The following GNPTAB variants were observed in gnomAD, a reference collection of about 807,000 sequenced individuals.
The protein encoded by GNPTAB is N-acetylglucosamine-1-phosphate transferase subunits alpha and beta, also known as N-acetylglucosamine-1-phosphotransferase subunits alpha/beta.
Under a neutral mutation model 136.6 loss-of-function variants are expected in GNPTAB, and 92 were observed. The ratio of observed to expected loss-of-function variants is 0.67; its 90% CI spans 0.57 to 0.80. GNPTAB has a LOEUF of 0.80. Ranked by LOEUF, GNPTAB falls within the 30% of genes least tolerant of loss-of-function variation. The pLI is 0.00. For synonymous variants in GNPTAB, 512 were observed against 535.1 expected (o/e 0.96, Z 0.60); for missense variants, 1,343 against 1,501.8 (o/e 0.89, Z 1.75).
intron 18 of GNPTAB, among the ~76,000 whole-genome samples, chr12:101,754,088 G>A (rs182363856): frequency 6.6e-6 from 1 of 151,786 alleles, no homozygotes; most frequent in Admixed American, 6.6e-5. Flanking sequence ...GGGAGAGGCT[G>A]CAGTGAGGAA....
chr12:101,758,164 G>C (rs1193956630), intron 16 of GNPTAB, among the ~76,000 whole-genome samples: 2 of 151,264 alleles, frequency 1.3e-5, no homozygotes, highest in African/African-American at 4.9e-5. Context: ...TCAGTTTCCC[G>C]AGTAGCTGGG....
At chr12:101,812,303 C>G (rs1334159360) in intron 1 of GNPTAB, among the ~76,000 whole-genome samples, 2 of 152,078 alleles carry the variant, frequency 1.3e-5, no homozygotes, top group Non-Finnish European at 2.9e-5. Context: ...CTCACTAACA[C>G]GAGAAGAGCA....
intron 2 of GNPTAB, among the ~76,000 whole-genome samples, chr12:101,795,064 G>C (rs908218892): frequency 4.6e-5 from 7 of 152,162 alleles, no homozygotes; most frequent in Admixed American, 3.3e-4. Context: ...AATCAATTTA[G>C]AACTTTCCTT....
At chr12:101,761,100 A>G in intron 15 of GNPTAB, 27 bp downstream of exon 15, 1 of 1,529,408 alleles carries the variant, frequency 6.5e-7, no homozygotes, top group Non-Finnish European at 9.1e-7. Context: ...AAAACATCAA[A>G]AAGTTTAGAA....
At chr12:101,777,139 T>C (rs888353374) in intron 7 of GNPTAB, among the ~76,000 whole-genome samples, 7 of 152,256 alleles carry the variant, frequency 4.6e-5, no homozygotes, top group African/African-American at 1.7e-4. Context: ...CCTGAATAGC[T>C]TGTAAGTCAC....
chr12:101,802,199 T>TAAAAAA (rs112485347), intron 1 of GNPTAB, among the ~76,000 whole-genome samples: 3 of 108,186 alleles, frequency 2.8e-5, no homozygotes, highest in African/African-American at 3.5e-5. Flanking sequence ...CCCTGTCTCT[T>TAAAAAA]AAAAAAAAAA....
At chr12:101,813,956 G>A (rs1870372360) in intron 1 of GNPTAB, among the ~76,000 whole-genome samples, 1 of 152,128 alleles carries the variant, frequency 6.6e-6, no homozygotes, top group African/African-American at 2.4e-5. Flanking sequence ...GCATGCACCT[G>A]TAGTCCCAGC....
chr12:101,755,978 C>T lies in GNPTAB; in HGVS notation c.3434+1234G>A, dbSNP rs10492083. ...ACTGCAAATTCTCACATTATTACTA[C>T]ACATGACGGAGAGAACTCATCAAGA... On this transcript the variant is annotated intron_variant, in intron 18 of 20. Coordinates refer to ENST00000299314, the MANE Select transcript of GNPTAB (RefSeq NM_024312.5). 0.026 allele frequency among the ~76,000 whole-genome samples: 3,919 copies of T among 152,280 alleles called. 343 individuals carry two copies. In the East Asian group the frequency reaches 0.31, roughly 12 times the overall value.
In GNPTAB at chr12:101,757,561, G is replaced by T; in HGVS notation, c.3335+11C>A. 7.7e-7 allele frequency: 1 copy of T among 1,293,094 alleles called. No individual in the cohort carries two copies. The highest frequency in any genetic ancestry group is 1.1e-6 in the Non-Finnish European group (1 of 887,992). 80.1% of individuals were successfully genotyped at this position (1,293,094 alleles called of 1,614,324 possible). A position where few individuals can be genotyped will look rare whatever the true frequency, so the allele number is the denominator to read the frequency against. ...TATACTAAACAAAGGGAGTATGCGT[G>T]TACTACTTACCTATATTTGTTTTTG... On this transcript the variant is annotated intron_variant, in intron 17 of 20. Coordinates refer to ENST00000299314, the MANE Select transcript of GNPTAB (RefSeq NM_024312.5).
rs1953061070 is a variant in GNPTAB at position 101,764,820 on chromosome 12, A to G, written c.2097T>C (p.Asn699=). 1 of 1,614,140 alleles carries G rather than the reference A, an allele frequency of 6.2e-7. No individual in the cohort carries two copies. Among genetic ancestry groups the G allele is most frequent in the South Asian group, 1.1e-5 (1 of 91,084 alleles). The change falls in exon 13 of 21, where the codon AAT becomes AAC. Residue 699 remains asparagine, a synonymous_variant. Coordinates refer to ENST00000299314, the MANE Select transcript of GNPTAB (RefSeq NM_024312.5). The stretch of plus-strand genomic sequence containing the variant: ...GGGCGTCTTTTGGAAGGAGTGAAAT[A>G]TTTACCAGGGGAATTTTCACCTCTT... ...AQEEVKIPLV[N]ISLLPKDAQL...
chr12:101,815,340 A>G (rs1026599453), intron 1 of GNPTAB, among the ~76,000 whole-genome samples: 9 of 152,226 alleles, frequency 5.9e-5, no homozygotes, highest in African/African-American at 2.2e-4. Flanking sequence ...TGCCCGGCCC[A>G]TAACAGCTCA....
chr12:101,828,594 A>C (rs1227307948), intron 1 of GNPTAB, among the ~76,000 whole-genome samples: 2 of 151,734 alleles, frequency 1.3e-5, no homozygotes, highest in African/African-American at 4.9e-5. Context: ...AGGAGGCGAG[A>C]CATGAGAATC....
At position 101,757,278 on chromosome 12, in the gene GNPTAB, A is replaced by AG; in HGVS notation, c.3367_3368insC (p.Phe1123SerfsTer2). 6.2e-7 allele frequency: 1 copy of AG among 1,609,252 alleles called. No individual in the cohort carries two copies. The highest frequency in any genetic ancestry group is 8.5e-7 in the Non-Finnish European group (1 of 1,176,084). ...AGAAACGTTGGTACGAATCATTTTA[A>AG]AAGCGATTTCTTCTTCTCCCATGAT... On this transcript the variant is annotated frameshift_variant, in exon 18 of 21. Coordinates refer to ENST00000299314, the MANE Select transcript of GNPTAB (RefSeq NM_024312.5). LOFTEE classifies it high-confidence loss of function.
chr12:101,790,709 C>T (rs1868934940), intron 2 of GNPTAB, among the ~76,000 whole-genome samples: 2 of 150,654 alleles, frequency 1.3e-5, no homozygotes, highest in African/African-American at 4.9e-5. Context: ...CACTGCACTC[C>T]AGCCTGGGAG....
chr12:101,789,714 C>A (rs978679835), intron 3 of GNPTAB, among the ~76,000 whole-genome samples: 7 of 152,142 alleles, frequency 4.6e-5, no homozygotes, highest in Non-Finnish European at 8.8e-5. Flanking sequence ...GAACTCCTGG[C>A]CTCAAGTGAT....
chr12:101,757,677 G>C lies in GNPTAB; in HGVS notation c.3250-20C>G. ...CGGTGGCTATGAGAAAATATAAGTA[G>C]ATCAGATATCACATCAGAGCTGAAA... is the stretch of plus-strand genomic sequence containing the variant. On this transcript the variant is annotated intron_variant, in intron 16 of 20. Coordinates refer to ENST00000299314, the MANE Select transcript of GNPTAB (RefSeq NM_024312.5). 8.4e-7 allele frequency: 1 copy of C among 1,196,130 alleles called. No individual in the cohort carries two copies. The highest frequency in any genetic ancestry group is 1.3e-6 in the Non-Finnish European group (1 of 799,732). The allele number at this position is 1,196,130 out of a possible 1,614,324, so 74.1% of individuals were successfully genotyped here.
chr12:101,757,143 C>CTCCCT lies in GNPTAB; in HGVS notation c.3434+64_3434+68dup, dbSNP rs1294180272. ...GTCTGTTCCATACAGAAATAAGCTA[C>CTCCCT]TCCCTTCTTTCCAGTCCTTTTATTC... On this transcript the variant is annotated intron_variant, in intron 18 of 20. Coordinates refer to ENST00000299314, the MANE Select transcript of GNPTAB (RefSeq NM_024312.5). The CTCCCT allele has an allele frequency of 3.5e-6, 3 of 850,616 alleles. No individual in the cohort carries two copies. In the African/African-American group the frequency reaches 5.1e-5, roughly 15 times the overall value. The allele number at this position is 850,616 out of a possible 1,614,324, so 52.7% of individuals were successfully genotyped here.
intron 2 of GNPTAB, 53 bp downstream of exon 2, chr12:101,796,624 T>C: frequency 8.3e-7 from 1 of 1,201,376 alleles, no homozygotes; most frequent in East Asian, 2.3e-5. Context: ...GATGGCTATT[T>C]CATGACTTAC....
At chr12:101,761,827 AG>A in intron 13 of GNPTAB, 64 bp from the exon 14 acceptor site, 5 of 1,206,614 alleles carry the variant, frequency 4.1e-6, no homozygotes, top group Non-Finnish European at 6.1e-6. Context: ...CTTTGTTACA[AG>A]ACATTTTATA....
Sources: allele counts gnomAD v4.1 joint callset (sites outside exome capture counted in the v4.1 genomes callset), GRCh38; gene constraint gnomAD v4.1.1; transcripts MANE v1.5; gene names NCBI Gene and HGNC (gene_info 2026-07-23, HGNC 2026-07-21).